The following PTPRN2 variants were observed in gnomAD, a reference collection of about 807,000 sequenced individuals.
PTPRN2 encodes protein tyrosine phosphatase receptor type N2.
A neutral mutation model predicts 118.8 loss-of-function variants in PTPRN2; 74 were observed. The ratio of observed to expected loss-of-function variants is 0.62; its 90% CI spans 0.52 to 0.76. PTPRN2 has a LOEUF of 0.76. Ranked by LOEUF, PTPRN2 falls within the 30% of genes least tolerant of loss-of-function variation. The pLI, the probability that PTPRN2 is intolerant of heterozygous loss-of-function variation, is 0.00. For synonymous variants in PTPRN2, 641 were observed against 608.0 expected, an observed-to-expected ratio of 1.05 and a Z score of -0.80; for missense variants, 1,481 against 1,394.4, an observed-to-expected ratio of 1.06 and a Z score of -0.99.
chr7:157,669,536 G>A (rs772541861), intron 13 of PTPRN2: 1 of 491,110 alleles, frequency 2.0e-6, no homozygotes, highest in Non-Finnish European at 4.0e-6. Flanking sequence ...ACCCAGTCAG[G>A]GGCTGTAAGC....
At chr7:158,208,470 G>C (rs1563605901) in intron 3 of PTPRN2, among the ~76,000 whole-genome samples, 1 of 152,188 alleles carries the variant, frequency 6.6e-6, no homozygotes, top group Non-Finnish European at 1.5e-5. Flanking sequence ...CTTTTCAGTG[G>C]AAACTTTACA....
chr7:157,546,641 G>A (rs1798333522), intron 22 of PTPRN2, among the ~76,000 whole-genome samples: 1 of 152,238 alleles, frequency 6.6e-6, no homozygotes, highest in Non-Finnish European at 1.5e-5. Flanking sequence ...GTCTTCCATG[G>A]TGTATATGTG....
chr7:157,956,494 C>T (rs1374961488), intron 11 of PTPRN2, among the ~76,000 whole-genome samples: 1 of 152,242 alleles, frequency 6.6e-6, no homozygotes, highest in Non-Finnish European at 1.5e-5. Flanking sequence ...TGAATCTGTT[C>T]GACTCAATGT....
At chr7:158,330,993 AGCTG>A (rs1804281832) in intron 2 of PTPRN2, among the ~76,000 whole-genome samples, 1 of 123,134 alleles carries the variant, frequency 8.1e-6, no homozygotes, top group African/African-American at 3.1e-5. Flanking sequence ...TCACCATAAG[AGCTG>A]ACACCCGCAG....
rs555845891 is a variant in PTPRN2, at chr7:158,461,262, G to A, written c.163+28473C>T. On this transcript the variant is annotated intron_variant, in intron 2 of 22. Transcript: ENST00000389418. The stretch of plus-strand genomic sequence containing the variant: ...TGTAATCCCAGCACTTTGGGAGGCC[G>A]AAGGGGGTGGATCACGAGGTCAAGA... Among the ~76,000 whole-genome samples, 390 of 152,264 alleles carry A rather than the reference G, an allele frequency of 2.6e-3. 5 individuals are homozygous for A. The highest frequency in any genetic ancestry group is 3.1e-3 in the Non-Finnish European group (212 of 68,020).
At chr7:157,979,481 T>A (rs1272555878) in intron 11 of PTPRN2, among the ~76,000 whole-genome samples, 1 of 152,236 alleles carries the variant, frequency 6.6e-6, no homozygotes, top group Non-Finnish European at 1.5e-5. Flanking sequence ...GTGTCCGCTA[T>A]GCACTGGTCA....
intron 2 of PTPRN2, among the ~76,000 whole-genome samples, chr7:158,340,575 T>G (rs1323723706): frequency 5.1e-5 from 6 of 116,924 alleles, no homozygotes; most frequent in African/African-American, 1.9e-4. Flanking sequence ...AATCTCACCA[T>G]AAGAGCCGAC....
At chr7:157,650,662 A>T (rs1187076940) in intron 14 of PTPRN2, among the ~76,000 whole-genome samples, 2 of 152,066 alleles carry the variant, frequency 1.3e-5, no homozygotes, top group African/African-American at 4.8e-5. Flanking sequence ...GAACGATGGA[A>T]TGGAATCTTC....
chr7:158,228,394 T>G (rs1301494672), intron 3 of PTPRN2, among the ~76,000 whole-genome samples: 1 of 152,122 alleles, frequency 6.6e-6, no homozygotes, highest in Non-Finnish European at 1.5e-5. Context: ...CTGAGCAACA[T>G]CAGAAGCTTT....
intron 11 of PTPRN2, among the ~76,000 whole-genome samples, chr7:158,047,313 C>T (rs559171683): frequency 1.3e-5 from 2 of 152,370 alleles, no homozygotes; most frequent in South Asian, 2.1e-4. Flanking sequence ...CACTCAGTTC[C>T]CTTTCTCTCA....
intron 2 of PTPRN2, among the ~76,000 whole-genome samples, chr7:158,450,834 G>A (rs993377473): frequency 2.0e-5 from 3 of 152,226 alleles, no homozygotes; most frequent in Admixed American, 1.3e-4. Flanking sequence ...CCCTGACCAG[G>A]CGTACGTGTG....
Position 157,606,455 on chromosome 7 carries a change from G to A in PTPRN2, c.2345-2380C>T, listed in dbSNP as rs558861290. On this transcript the variant is annotated intron_variant, in intron 15 of 22. Coordinates refer to ENST00000389418, the MANE Select transcript of PTPRN2 (RefSeq NM_002847.5). ...TGGCCACTCCAGAGGGCCTGTCACTGCCATCCCTGGCTGAAATCTGGAAGC... is the reference window on the plus strand; with the variant it reads ...TGGCCACTCCAGAGGGCCTGTCACTACCATCCCTGGCTGAAATCTGGAAGC... Among the ~76,000 whole-genome samples the A allele has an allele frequency of 3.1e-3, 478 of 152,362 alleles. 1 individual carries two copies. The highest frequency in any genetic ancestry group is 6.8e-3 in the Middle Eastern group (2 of 294).
At position 158,571,525 on chromosome 7, in the gene PTPRN2, CTTTTTTTT is replaced by C. The variant is rs552051165; in HGVS notation, c.112+16025_112+16032del. On this transcript the variant is annotated intron_variant, in intron 1 of 22. Transcript: ENST00000389418. Reference sequence around the variant, plus strand: ...AACAAAAAAAAACACACACCTATTTCTTTTTTTTTTTTTTTTTTTTTCTTTTGAGCAGG... The same window carrying C: ...AACAAAAAAAAACACACACCTATTTCTTTTTTTTTTTTTCTTTTGAGCAGG... Among the ~76,000 whole-genome samples, 21 of 71,804 alleles carry C rather than the reference CTTTTTTTT, an allele frequency of 2.9e-4. No homozygotes were observed. The Admixed American group carries it at 3.8e-3, about 13-fold the overall frequency. 47.1% of individuals were successfully genotyped at this position (71,804 alleles called of 152,430 possible).
intron 12 of PTPRN2, among the ~76,000 whole-genome samples, chr7:157,812,464 T>C (rs1002179838): frequency 1.3e-5 from 2 of 152,200 alleles, no homozygotes; most frequent in African/African-American, 4.8e-5. Context: ...CAGGGACTTC[T>C]TTCATCAAGA....
chr7:158,505,565 C>CTGTA lies in PTPRN2; in HGVS notation c.113-15784_113-15781dup, dbSNP rs1379082820. 2.0e-5 allele frequency among the ~76,000 whole-genome samples: 3 copies of CTGTA among 152,182 alleles called. No homozygotes were observed. The East Asian group carries it at 5.8e-4, about 29-fold the overall frequency. Reference sequence around the variant, plus strand: ...ATAACAATAGTTTTAAAATCCTGAGCTGTAACACAAAGGCACATTTAATTT... The same window carrying CTGTA: ...ATAACAATAGTTTTAAAATCCTGAGCTGTATGTAACACAAAGGCACATTTAATTT... On this transcript the variant is annotated intron_variant, in intron 1 of 22. Coordinates refer to ENST00000389418, the MANE Select transcript of PTPRN2 (RefSeq NM_002847.5).
At chr7:157,741,522 A>G (rs1422634249) in intron 12 of PTPRN2, among the ~76,000 whole-genome samples, 2 of 152,158 alleles carry the variant, frequency 1.3e-5, no homozygotes, top group African/African-American at 4.8e-5. Context: ...AACCACTTCA[A>G]GAATCAGTCC....
intron 12 of PTPRN2, among the ~76,000 whole-genome samples, chr7:157,762,320 G>A (rs1414317917): frequency 1.3e-5 from 2 of 151,672 alleles, no homozygotes; most frequent in Non-Finnish European, 2.9e-5. Context: ...CATTATTCAC[G>A]ATAGCAAAGA....
chr7:157,852,053 T>C (rs147023246), intron 12 of PTPRN2, among the ~76,000 whole-genome samples: 12 of 152,366 alleles, frequency 7.9e-5, no homozygotes, highest in Non-Finnish European at 1.3e-4. Flanking sequence ...ACCTTCACGT[T>C]ATCAGCCTTA....
intron 2 of PTPRN2, among the ~76,000 whole-genome samples, chr7:158,468,796 C>T (rs1177412938): frequency 6.6e-6 from 1 of 151,804 alleles, no homozygotes; most frequent in South Asian, 2.1e-4. Flanking sequence ...CCCGGTGGAG[C>T]AACAGCGTGC....
Sources: gnomAD v4.1 joint callset for allele counts (sites outside exome capture counted in the v4.1 genomes callset) on GRCh38, gnomAD v4.1.1 for gene constraint, MANE v1.5 for transcripts, NCBI Gene and HGNC (gene_info 2026-07-23, HGNC 2026-07-21) for gene names.